Variants in HEATR3 observed in about 807,000 individuals in gnomAD.
The protein encoded by HEATR3 is HEAT repeat-containing protein 3.
Under a neutral mutation model 72.8 loss-of-function variants are expected in HEATR3, and 56 were observed. The ratio of observed to expected loss-of-function variants is 0.77; its 90% CI spans 0.62 to 0.96. The LOEUF (loss-of-function observed/expected upper bound fraction) is 0.96, where lower values mean the gene tolerates loss of function less well. Ranked by LOEUF, HEATR3 falls within the 40% of genes least tolerant of loss-of-function variation. The pLI is 0.00. For missense variants in HEATR3, 747 were observed against 831.4 expected (o/e 0.90, Z 1.25); for synonymous variants, 331 against 318.1 (o/e 1.04, Z -0.43).
chr16:50,070,567 T>G (rs2036589593), intron 4 of HEATR3, among the ~76,000 whole-genome samples: 1 of 152,070 alleles, frequency 6.6e-6, no homozygotes, highest in African/African-American at 2.4e-5. Context: ...CCGAGTGTGG[T>G]GGTACATGCC....
At position 50,084,021 on chromosome 16, in the gene HEATR3, A is replaced by C. The variant is rs998055443; in HGVS notation, c.1126A>C (p.Asn376His). The change falls in exon 8 of 15, where the codon AAT becomes CAT. Residue 376 changes from asparagine to histidine, a missense_variant. Asn to His is a moderately conservative substitution (Grantham distance 68, BLOSUM62 1). This residue lies in a region of HEATR3 where 586 missense variants were observed against 708.8 expected (regional missense o/e 0.83). Coordinates refer to ENST00000299192, the MANE Select transcript of HEATR3 (RefSeq NM_182922.4). ...GGAAATTATTGTCAACATGTGCTGCAATGAAGGTTTGTTAACATTTACATT... is the reference window on the plus strand; with the variant it reads ...GGAAATTATTGTCAACATGTGCTGCCATGAAGGTTTGTTAACATTTACATT... ...ALEIIVNMCC[N>H]EDPSDDEWEE... 3 of 1,613,804 alleles carry C rather than the reference A, an allele frequency of 1.9e-6. No individual in the cohort carries two copies. Among genetic ancestry groups the C allele is most frequent in the East Asian group, 4.5e-5 (2 of 44,886 alleles).
In HEATR3 at chr16:50,077,879, T is replaced by TTTTTTTTG. The variant is rs1228786077; in HGVS notation, c.764-855_764-854insGTTTTTTT. Among the ~76,000 whole-genome samples, 16 of 137,550 alleles carry TTTTTTTTG rather than the reference T, an allele frequency of 1.2e-4. No homozygotes were observed. In the East Asian group the frequency reaches 3.4e-3, roughly 29 times the overall value. 90.2% of individuals were successfully genotyped at this position (137,550 alleles called of 152,430 possible). ...CGGCTGCTGTGAAAATGGATGTAAT[T>TTTTTTTTG]TTTTTTTTTTTTTTTGAAACAGAGT... On this transcript the variant is annotated intron_variant, in intron 6 of 14. Transcript: ENST00000299192.
intron 6 of HEATR3, among the ~76,000 whole-genome samples, chr16:50,076,239 C>G (rs2036724892): frequency 6.6e-6 from 1 of 151,594 alleles, no homozygotes; most frequent in Admixed American, 6.6e-5. Context: ...GCTCTTTCAC[C>G]CAGGCTGGAG....
chr16:50,067,648 CAT>C (rs2036528640), intron 2 of HEATR3, among the ~76,000 whole-genome samples: 2 of 152,108 alleles, frequency 1.3e-5, no homozygotes, highest in Admixed American at 6.5e-5. Flanking sequence ...TGCTGCAACA[CAT>C]TTTGTGAAGA....
At chr16:50,099,756 T>C (rs2150627756) in intron 12 of HEATR3, among the ~76,000 whole-genome samples, 1 of 152,326 alleles carries the variant, frequency 6.6e-6, no homozygotes, top group East Asian at 1.9e-4. Flanking sequence ...AAACTGAAAA[T>C]TATCCACTAC....
At chr16:50,079,113 A>G in intron 7 of HEATR3, 95 bp downstream of exon 7, 1 of 1,261,442 alleles carries the variant, frequency 7.9e-7, no homozygotes, top group Non-Finnish European at 1.1e-6. Flanking sequence ...TTATAGCAAA[A>G]TTAGCTATAA....
intron 5 of HEATR3, chr16:50,073,150 AAG>A (rs1369925834): frequency 1.9e-5 from 3 of 157,106 alleles, no homozygotes; most frequent in African/African-American, 4.8e-5. Flanking sequence ...TTGAGAGAAA[AAG>A]AGGAAAAGAA....
intron 7 of HEATR3, among the ~76,000 whole-genome samples, chr16:50,082,107 C>T (rs1833447436): frequency 6.6e-6 from 1 of 152,024 alleles, no homozygotes; most frequent in Admixed American, 6.6e-5. Context: ...TTGGGGAGGC[C>T]AGGGTGGGTG....
intron 11 of HEATR3, among the ~76,000 whole-genome samples, chr16:50,090,774 T>C (rs557961801): frequency 6.6e-6 from 1 of 152,340 alleles, no homozygotes; most frequent in South Asian, 2.1e-4. Context: ...AATCAGAACG[T>C]TCTTTTTTAG....
chr16:50,104,719 ATTCAG>A (rs1407583701), intron 14 of HEATR3, among the ~76,000 whole-genome samples: 1 of 152,194 alleles, frequency 6.6e-6, no homozygotes, highest in Non-Finnish European at 1.5e-5. Flanking sequence ...ACCACCTGCC[ATTCAG>A]TCACCTTTGT....
Position 50,105,708 on chromosome 16 carries a change from C to T in HEATR3, c.*647C>T, listed in dbSNP as rs2150634656. 1 of 151,788 alleles carries T rather than the reference C, an allele frequency of 6.6e-6. No individual in the cohort carries two copies. Among genetic ancestry groups the T allele is most frequent in the South Asian group, 2.1e-4 (1 of 4,792 alleles). The allele number at this position is 151,788 out of a possible 1,614,324, so 9.4% of individuals were successfully genotyped here. A position where few individuals can be genotyped will look rare whatever the true frequency, so the allele number is the denominator to read the frequency against. On this transcript the variant is annotated 3_prime_UTR_variant, in exon 15 of 15. Coordinates refer to ENST00000299192, the MANE Select transcript of HEATR3 (RefSeq NM_182922.4). ...CTGGAATTACAGGCACCCACCACCACACCTTGTTTTTGTTTTTGGTTTTTT... is the reference window on the plus strand; with the variant it reads ...CTGGAATTACAGGCACCCACCACCATACCTTGTTTTTGTTTTTGGTTTTTT...
At chr16:50,079,162 A>G in intron 7 of HEATR3, 144 bp downstream of exon 7, 1 of 753,870 alleles carries the variant, frequency 1.3e-6, no homozygotes, top group South Asian at 1.9e-5. Flanking sequence ...TTTCCTGTTG[A>G]TTCTCTTTAT....
chr16:50,096,632 C>G (rs930254551), intron 12 of HEATR3, among the ~76,000 whole-genome samples: 5 of 152,034 alleles, frequency 3.3e-5, no homozygotes, highest in African/African-American at 1.2e-4. Flanking sequence ...AACCCTATCT[C>G]TACAAAAAAT....
chr16:50,070,604 AG>A (rs950147467), intron 4 of HEATR3, among the ~76,000 whole-genome samples: 6 of 152,094 alleles, frequency 3.9e-5, no homozygotes, highest in Non-Finnish European at 8.8e-5. Flanking sequence ...CGGGAGGCTG[AG>A]GCAGGAGAAT....
intron 14 of HEATR3, among the ~76,000 whole-genome samples, chr16:50,104,684 C>A (rs947839610): frequency 6.6e-6 from 1 of 152,146 alleles, no homozygotes; most frequent in African/African-American, 2.4e-5. Flanking sequence ...TTACATAATT[C>A]CTTTCTATAG....
At chr16:50,072,820 T>A in intron 5 of HEATR3, 106 bp downstream of exon 5, 1 of 717,694 alleles carries the variant, frequency 1.4e-6, no homozygotes, top group Non-Finnish European at 2.5e-6. Flanking sequence ...TTTGTTTCGT[T>A]GTATGTGAAT....
At chr16:50,079,755 G>T (rs1297766872) in intron 7 of HEATR3, among the ~76,000 whole-genome samples, 1 of 152,200 alleles carries the variant, frequency 6.6e-6, no homozygotes, top group Non-Finnish European at 1.5e-5. Flanking sequence ...GCCAGGCACT[G>T]TGCTAGACGC....
At chr16:50,072,818 G>A (rs145657746) in intron 5 of HEATR3, 104 bp downstream of exon 5, 85 of 733,694 alleles carry the variant, frequency 1.2e-4, no homozygotes, top group African/African-American at 1.1e-3. Context: ...TTTTTGTTTC[G>A]TTGTATGTGA....
At chr16:50,076,230 C>T (rs1408258889) in intron 6 of HEATR3, among the ~76,000 whole-genome samples, 1 of 151,818 alleles carries the variant, frequency 6.6e-6, no homozygotes, top group African/African-American at 2.4e-5. Flanking sequence ...TGGAGTCTGG[C>T]TCTTTCACCC....
Sources: gnomAD v4.1 joint callset for allele counts (sites outside exome capture counted in the v4.1 genomes callset) on GRCh38, gnomAD v4.1.1 for gene constraint, gnomAD v4.1.1 regional missense constraint, MANE v1.5 for transcripts, NCBI Gene and HGNC (gene_info 2026-07-23, HGNC 2026-07-21) for gene names.